NTRK3: variants seen among roughly 807,000 people sequenced by gnomAD.
NTRK3 encodes neurotrophic receptor tyrosine kinase 3, also known as NT-3 growth factor receptor.
Under a neutral mutation model 91.7 loss-of-function variants are expected in NTRK3, and 24 were observed. The observed-to-expected ratio is 0.26, with a 90% confidence interval of 0.19 to 0.37. The LOEUF (loss-of-function observed/expected upper bound fraction) is 0.37. Among genes scored for constraint, NTRK3 ranks in the 10% least tolerant of loss-of-function variants. The probability of loss-of-function intolerance (pLI) is 1.00; values close to 1 mark genes in which losing one functional copy is unlikely to be tolerated. For missense variants in NTRK3, 880 were observed against 1,068.9 expected, an observed-to-expected ratio of 0.82 and a Z score of 2.46; for synonymous variants, 483 against 404.0, an observed-to-expected ratio of 1.20 and a Z score of -2.34.
chr15:87,875,423 C>G (rs575493359), exon 19 of NTRK3: 1 of 231,832 alleles, frequency 4.3e-6, no homozygotes, highest in Non-Finnish European at 8.5e-6. Flanking sequence ...TTCCCCAGTG[C>G]TGGGGCAGAG....
rs552247924 is a variant in NTRK3, at chr15:88,119,401, C to T, written c.1396+6870G>A. On this transcript the variant is annotated intron_variant, in intron 13 of 18. Transcript: ENST00000394480. ...TCCTGCCTGTGGATCTGCTACAAACCTAACCTCTTTAATTTAGAATTTGTC... is the reference window on the plus strand; with the variant it reads ...TCCTGCCTGTGGATCTGCTACAAACTTAACCTCTTTAATTTAGAATTTGTC... 9.2e-5 allele frequency among the ~76,000 whole-genome samples: 14 copies of T among 152,328 alleles called. No individual in the cohort carries two copies. The South Asian group carries it at 2.7e-3, about 29-fold the overall frequency.
intron 13 of NTRK3, among the ~76,000 whole-genome samples, chr15:88,053,755 T>G (rs774965887): frequency 6.6e-6 from 1 of 152,264 alleles, no homozygotes; most frequent in South Asian, 2.1e-4. Flanking sequence ...GCCTGGCACA[T>G]AGCCAGGGCT....
Position 87,877,139 on chromosome 15 carries a change from C to T in NTRK3, c.2293-19G>A, listed in dbSNP as rs781034625. On this transcript the variant is annotated intron_variant, in intron 18 of 18. Coordinates refer to ENST00000394480, the Ensembl canonical transcript of NTRK3. The stretch of plus-strand genomic sequence containing the variant: ...CAATGACCTGAAAGAGTGAGAAGAA[C>T]AAGGAAGTTACACCCAAAGCTCAGC... 1.1e-5 allele frequency: 18 copies of T among 1,613,008 alleles called. No homozygotes were observed. The highest frequency in any genetic ancestry group is 1.4e-5 in the Non-Finnish European group (17 of 1,179,660).
intron 10 of NTRK3, 118 bp downstream of exon 10, chr15:88,134,983 G>T (rs1219272156): frequency 4.9e-6 from 6 of 1,223,246 alleles, no homozygotes; most frequent in Non-Finnish European, 6.0e-6. Context: ...TGTGTGTTTT[G>T]TTGCCCATGA....
At chr15:88,094,231 C>T (rs1343334378) in intron 13 of NTRK3, among the ~76,000 whole-genome samples, 1 of 151,974 alleles carries the variant, frequency 6.6e-6, no homozygotes, top group Non-Finnish European at 1.5e-5. Flanking sequence ...CTTTGGGAGG[C>T]TGAGGCGGGT....
chr15:88,095,079 C>T (rs929643187), intron 13 of NTRK3, among the ~76,000 whole-genome samples: 1 of 152,168 alleles, frequency 6.6e-6, no homozygotes, highest in Non-Finnish European at 1.5e-5. Flanking sequence ...CACCTGTGAT[C>T]GTGAGCCCAG....
At chr15:88,105,570 C>T (rs2050616174) in intron 13 of NTRK3, among the ~76,000 whole-genome samples, 1 of 152,138 alleles carries the variant, frequency 6.6e-6, no homozygotes, top group African/African-American at 2.4e-5. Context: ...ACATACGCTG[C>T]TTCTCTGGGT....
chr15:88,019,298 G>C (rs2077446736), intron 14 of NTRK3, among the ~76,000 whole-genome samples: 1 of 152,238 alleles, frequency 6.6e-6, no homozygotes, highest in Non-Finnish European at 1.5e-5. Context: ...AAGGCTGAAA[G>C]CCTAGGTGAG....
At chr15:87,929,564 T>C (rs1259228124) in intron 16 of NTRK3, 130 bp from the exon 17 acceptor site, 2 of 1,198,432 alleles carry the variant, frequency 1.7e-6, no homozygotes, top group East Asian at 5.1e-5. Flanking sequence ...ATCCTGCCTA[T>C]GGCTTATTTT....
rs560594295 is a variant in NTRK3, at chr15:88,162,329, A to G, written c.396-14926T>C. On this transcript the variant is annotated intron_variant, in intron 5 of 18. Transcript: ENST00000394480. ...GAATCAAGTGAAATAACACATACGG[A>G]TGCCCCACACAGTGCCCACCACATG... is the stretch of plus-strand genomic sequence containing the variant. 5.3e-5 allele frequency among the ~76,000 whole-genome samples: 8 copies of G among 152,324 alleles called. No individual in the cohort carries two copies. The South Asian group carries it at 1.7e-3, about 32-fold the overall frequency.
At chr15:88,135,436 GTC>G in intron 9 of NTRK3, 39 bp from the exon 10 acceptor site, 1 of 1,604,680 alleles carries the variant, frequency 6.2e-7, no homozygotes, top group Non-Finnish European at 8.5e-7. Context: ...AGGACACAGA[GTC>G]TACCACCTCC....
chr15:88,075,471 A>G (rs1410101083), intron 13 of NTRK3, among the ~76,000 whole-genome samples: 1 of 152,200 alleles, frequency 6.6e-6, no homozygotes, highest in African/African-American at 2.4e-5. Context: ...ACGCCCTGAA[A>G]GGAACCTCAG....
intron 15 of NTRK3, among the ~76,000 whole-genome samples, chr15:87,937,347 G>A (rs1398576237): frequency 6.6e-6 from 1 of 152,148 alleles, no homozygotes; most frequent in African/African-American, 2.4e-5. Context: ...TGGAAGCTAG[G>A]ATGAATGCTT....
chr15:88,193,106 GC>G (rs1185072615), intron 3 of NTRK3, among the ~76,000 whole-genome samples: 2 of 152,114 alleles, frequency 1.3e-5, no homozygotes, highest in African/African-American at 4.8e-5. Context: ...CACCTGGAAA[GC>G]CATCCAGGGC....
intron 5 of NTRK3, among the ~76,000 whole-genome samples, chr15:88,164,991 C>T (rs2044796177): frequency 1.3e-5 from 2 of 152,186 alleles, no homozygotes; most frequent in Admixed American, 6.5e-5. Flanking sequence ...AGAATTCTTA[C>T]CTCATATTGA....
chr15:87,899,469 G>A (rs1160389443), intron 17 of NTRK3, among the ~76,000 whole-genome samples: 1 of 150,864 alleles, frequency 6.6e-6, no homozygotes, highest in Non-Finnish European at 1.5e-5. Context: ...ACACATTGCA[G>A]GTTGGACAGA....
At chr15:88,032,833 A>T (rs754771126) in intron 14 of NTRK3, 24 bp downstream of exon 14, 2 of 1,613,254 alleles carry the variant, frequency 1.2e-6, no homozygotes, top group Admixed American at 3.3e-5. Context: ...CCCAGGAGGG[A>T]GAGCATTCCA....
chr15:88,111,292 T>C (rs1052070038), intron 13 of NTRK3, among the ~76,000 whole-genome samples: 1 of 151,678 alleles, frequency 6.6e-6, no homozygotes, highest in African/African-American at 2.4e-5. Flanking sequence ...TACCAGGAGG[T>C]GTTATGTTGT....
rs188842000 is a variant in NTRK3, at chr15:87,972,460, G to A, written c.1586-31707C>T. Among the ~76,000 whole-genome samples, 4 of 152,256 alleles carry A rather than the reference G, an allele frequency of 2.6e-5. No individual in the cohort carries two copies. In the East Asian group the frequency reaches 7.7e-4, roughly 29 times the overall value. ...GCAAACCCTCTCCATAGCTGAGCAG[G>A]GGATTTTGACCACCCCTCCAAACTC... On this transcript the variant is annotated intron_variant, in intron 14 of 18. Coordinates refer to ENST00000394480, the Ensembl canonical transcript of NTRK3.
Sources: allele counts gnomAD v4.1 joint callset (sites outside exome capture counted in the v4.1 genomes callset), GRCh38; gene constraint gnomAD v4.1.1; transcripts MANE v1.5; gene names NCBI Gene and HGNC (gene_info 2026-07-23, HGNC 2026-07-21).